CPS1: variants seen among roughly 807,000 people sequenced by gnomAD.
CPS1 encodes the protein carbamoyl-phosphate synthase 1.
In CPS1, 109 loss-of-function variants were observed where a neutral mutation model predicts 174.6. That is an observed-to-expected ratio of 0.62 (90% confidence interval 0.53 to 0.73). The LOEUF is 0.73. CPS1 is among the 30% of genes least tolerant of loss of function. The pLI is 0.00. For missense variants in CPS1, 1,689 were observed against 1,821.9 expected, an observed-to-expected ratio of 0.93 and a Z score of 1.33; for synonymous variants, 637 against 632.0, an observed-to-expected ratio of 1.01 and a Z score of -0.12.
At chr2:210,658,175 C>A (rs1165864188) in intron 30 of CPS1, 2 of 228,492 alleles carry the variant, frequency 8.8e-6, no homozygotes, top group East Asian at 1.1e-4. Flanking sequence ...CAAAAGAAAT[C>A]TCTCTGGTTT....
intron 1 of CPS1, among the ~76,000 whole-genome samples, chr2:210,517,933 A>G (rs1033953955): frequency 3.9e-5 from 6 of 151,996 alleles, no homozygotes; most frequent in African/African-American, 1.4e-4. Context: ...TCGTAATTAT[A>G]TGTCAGACCC....
intron 20 of CPS1, among the ~76,000 whole-genome samples, chr2:210,612,801 G>A (rs2105860179): frequency 6.6e-6 from 1 of 151,938 alleles, no homozygotes; most frequent in East Asian, 2.0e-4. Flanking sequence ...ATGATTATAG[G>A]GTTTTCCATG....
chr2:210,515,914 T>C (rs1175130647), intron 1 of CPS1, among the ~76,000 whole-genome samples: 1 of 151,876 alleles, frequency 6.6e-6, no homozygotes, highest in African/African-American at 2.4e-5. Flanking sequence ...TTTTCATTTA[T>C]TTCAAGGAAA....
chr2:210,668,875 CCCCTTCCTT>C (rs1701195512), intron 34 of CPS1, among the ~76,000 whole-genome samples: 1 of 152,170 alleles, frequency 6.6e-6, no homozygotes, highest in Non-Finnish European at 1.5e-5. Flanking sequence ...CTGACCATCT[CCCCTTCCTT>C]CCTTTCATTC....
At chr2:210,605,003 A>G in intron 16 of CPS1, 99 bp from the exon 17 acceptor site, 4 of 1,323,654 alleles carry the variant, frequency 3.0e-6, no homozygotes, top group Admixed American at 1.8e-5. Flanking sequence ...TTGAGAGTTC[A>G]GTGCTGACCA....
At chr2:210,648,364 T>C (rs779226397) in intron 26 of CPS1, 109 bp from the exon 27 acceptor site, 11 of 920,106 alleles carry the variant, frequency 1.2e-5, no homozygotes, top group Non-Finnish European at 1.9e-5. Flanking sequence ...TAATGGTGCC[T>C]TTAGAGAATA....
At chr2:210,554,248 T>C (rs1056759350), upstream of CPS1, among the ~76,000 whole-genome samples, 2 of 147,970 alleles carry the variant, frequency 1.4e-5, no homozygotes, top group African/African-American at 5.0e-5. Context: ...TGTATATATA[T>C]ACACACACAT....
chr2:210,591,683 G>A (rs2106110633), intron 9 of CPS1, 148 bp from the exon 10 acceptor site: 2 of 816,966 alleles, frequency 2.4e-6, no homozygotes, highest in South Asian at 1.8e-5. Flanking sequence ...TTAACAATCT[G>A]TGACTTTTCT....
intron 1 of CPS1, among the ~76,000 whole-genome samples, chr2:210,571,855 TTGTGTGTGTGTGTGTG>T (rs71043997): frequency 0.011 from 1,528 of 139,726 alleles, 11 homozygotes; most frequent in African/African-American, 0.024. Flanking sequence ...CTACTAAAGT[TTGTGTGTGTGTGTGTG>T]TGTGTGTGTG....
intron 11 of CPS1, chr2:210,593,645 A>G (rs984272416): frequency 2.0e-6 from 2 of 985,248 alleles, no homozygotes; most frequent in African/African-American, 3.5e-5. Context: ...GCAAATCTTC[A>G]TTGTCAGAAC....
At chr2:210,530,053 T>C (rs1696077877) in intron 1 of CPS1, among the ~76,000 whole-genome samples, 2 of 152,046 alleles carry the variant, frequency 1.3e-5, no homozygotes, top group South Asian at 4.1e-4. Context: ...AAAAGTGTAA[T>C]ATAATATCTT....
chr2:210,511,457 C>T (rs1382141772), intron 1 of CPS1, among the ~76,000 whole-genome samples: 1 of 151,968 alleles, frequency 6.6e-6, no homozygotes, highest in African/African-American at 2.4e-5. Flanking sequence ...GGGTGCAGCA[C>T]ACCAACATGG....
chr2:210,656,438 G>T, intron 29 of CPS1, 87 bp from the exon 30 acceptor site: 1 of 897,368 alleles, frequency 1.1e-6, no homozygotes, highest in South Asian at 1.4e-5. Context: ...CATCTGTTAG[G>T]ACCAAAGGGG....
chr2:210,487,754 T>C (rs1694767587), intron 1 of CPS1, among the ~76,000 whole-genome samples: 2 of 152,236 alleles, frequency 1.3e-5, no homozygotes, highest in Admixed American at 6.5e-5. Context: ...GTTTGGCTTT[T>C]CTCATTCAAG....
At position 210,606,730 on chromosome 2, in the gene CPS1, G is replaced by C. The variant is rs1559102636; in HGVS notation, c.1982-1G>C. 6.2e-7 allele frequency: 1 copy of C among 1,612,206 alleles called. No homozygotes were observed. The highest frequency in any genetic ancestry group is 8.5e-7 in the Non-Finnish European group (1 of 1,178,798). On this transcript the variant is annotated splice_acceptor_variant, in intron 17 of 37. Coordinates refer to ENST00000233072, the MANE Select transcript of CPS1 (RefSeq NM_001875.5). LOFTEE classifies it high-confidence loss of function. ...GTAATGAGTGCTTCTTGGATATATA[G>C]GTGACTCAGTTGTTGTGGCTCCTGC... is the stretch of plus-strand genomic sequence containing the variant.
At chr2:210,607,214 C>G (rs1386791763) in intron 18 of CPS1, among the ~76,000 whole-genome samples, 1 of 151,938 alleles carries the variant, frequency 6.6e-6, no homozygotes, top group African/African-American at 2.4e-5. Context: ...AATCTGCTTC[C>G]TAATTGCACT....
At chr2:210,649,650 G>A (rs1358367164) in intron 27 of CPS1, among the ~76,000 whole-genome samples, 7 of 152,144 alleles carry the variant, frequency 4.6e-5, no homozygotes, top group Non-Finnish European at 2.9e-5. Flanking sequence ...TAAATTTGTA[G>A]TAGTGTAAAA....
At chr2:210,503,401 G>A (rs974475872) in intron 1 of CPS1, among the ~76,000 whole-genome samples, 3 of 152,136 alleles carry the variant, frequency 2.0e-5, no homozygotes, top group Admixed American at 6.6e-5. Context: ...ACGTTCTATC[G>A]TCTGAAGGGA....
chr2:210,549,328 G>A (rs779744843), intron 1 of CPS1, among the ~76,000 whole-genome samples: 1 of 152,006 alleles, frequency 6.6e-6, no homozygotes, highest in African/African-American at 2.4e-5. Context: ...AATGATAATC[G>A]TTGTGCAAAG....
Sources: allele counts gnomAD v4.1 joint callset (sites outside exome capture counted in the v4.1 genomes callset), GRCh38; gene constraint gnomAD v4.1.1; transcripts MANE v1.5; gene names NCBI Gene and HGNC (gene_info 2026-07-23, HGNC 2026-07-21).